Variants in ADAMTS12 observed in about 807,000 individuals in gnomAD.
ADAMTS12 encodes A disintegrin and metalloproteinase with thrombospondin motifs 12.
A neutral mutation model predicts 167.8 loss-of-function variants in ADAMTS12; 118 were observed. The ratio of observed to expected loss-of-function variants is 0.70; its 90% CI spans 0.61 to 0.82. The LOEUF (loss-of-function observed/expected upper bound fraction) is 0.82, where lower values mean the gene tolerates loss of function less well. Among genes scored for constraint, ADAMTS12 ranks in the 40% least tolerant of loss-of-function variants. The pLI, the probability that ADAMTS12 is intolerant of heterozygous loss-of-function variation, is 0.00. For missense variants in ADAMTS12, 1,916 were observed against 1,998.8 expected (o/e 0.96, Z 0.79); for synonymous variants, 704 against 716.9 (o/e 0.98, Z 0.29).
At chr5:33,851,560 C>T (rs1486984037) in intron 2 of ADAMTS12, among the ~76,000 whole-genome samples, 1 of 152,064 alleles carries the variant, frequency 6.6e-6, no homozygotes, top group Non-Finnish European at 1.5e-5. Context: ...AAGCACTCAC[C>T]GATACATCTC....
chr5:33,736,354 C>T (rs1579889340), intron 3 of ADAMTS12, among the ~76,000 whole-genome samples: 1 of 152,178 alleles, frequency 6.6e-6, no homozygotes, highest in African/African-American at 2.4e-5. Context: ...TGAGCCACCA[C>T]GCCCAGCCTG....
chr5:33,757,741 A>T (rs1474361601), intron 2 of ADAMTS12, among the ~76,000 whole-genome samples: 1 of 152,212 alleles, frequency 6.6e-6, no homozygotes, highest in Non-Finnish European at 1.5e-5. Flanking sequence ...TCTTGGTCCC[A>T]TTGCTTAACA....
chr5:33,663,599 T>G (rs1019238399), intron 5 of ADAMTS12, among the ~76,000 whole-genome samples: 2 of 152,176 alleles, frequency 1.3e-5, no homozygotes, highest in Admixed American at 1.3e-4. Flanking sequence ...TAAGGGAAAT[T>G]AAACCTCAGG....
intron 3 of ADAMTS12, among the ~76,000 whole-genome samples, chr5:33,710,692 G>A: frequency 6.6e-6 from 1 of 152,162 alleles, no homozygotes; most frequent in East Asian, 1.9e-4. Flanking sequence ...GACACGAACA[G>A]ACTGCTTAAA....
At chr5:33,736,760 A>T (rs974788247) in intron 3 of ADAMTS12, among the ~76,000 whole-genome samples, 1 of 152,164 alleles carries the variant, frequency 6.6e-6, no homozygotes, top group African/African-American at 2.4e-5. Context: ...AGGGAGCATG[A>T]CTCAGAACCG....
At chr5:33,572,192 C>A (rs1293256797) in intron 19 of ADAMTS12, among the ~76,000 whole-genome samples, 1 of 152,090 alleles carries the variant, frequency 6.6e-6, no homozygotes, top group African/African-American at 2.4e-5. Flanking sequence ...GGTACCATTC[C>A]TTCTGAAACT....
At chr5:33,737,708 CACTA>C (rs1404126878) in intron 3 of ADAMTS12, among the ~76,000 whole-genome samples, 1 of 152,196 alleles carries the variant, frequency 6.6e-6, no homozygotes, top group African/African-American at 2.4e-5. Flanking sequence ...CAACTAGTCT[CACTA>C]ACTGAGATTT....
chr5:33,848,741 C>T (rs1178277799), intron 2 of ADAMTS12, among the ~76,000 whole-genome samples: 1 of 152,104 alleles, frequency 6.6e-6, no homozygotes, highest in African/African-American at 2.4e-5. Flanking sequence ...GAGTGTCTAT[C>T]ACCTAGGGTG....
In ADAMTS12 at chr5:33,833,748, A is replaced by G. The variant is rs569932462; in HGVS notation, c.489+47371T>C. Among the ~76,000 whole-genome samples, 199 of 152,360 alleles carry G rather than the reference A, an allele frequency of 1.3e-3. 1 individual carries two copies. Among genetic ancestry groups the G allele is most frequent in the African/African-American group, 4.5e-3 (189 of 41,592 alleles). Reference sequence around the variant, plus strand: ...GATGATGGCACAGCCATTCAATGAAATCTTCTGTAGCTAGAAAAATTAATT... The same window carrying G: ...GATGATGGCACAGCCATTCAATGAAGTCTTCTGTAGCTAGAAAAATTAATT... On this transcript the variant is annotated intron_variant, in intron 2 of 23. Coordinates refer to ENST00000504830, the MANE Select transcript of ADAMTS12 (RefSeq NM_030955.4).
At chr5:33,849,873 T>G (rs1025837176) in intron 2 of ADAMTS12, among the ~76,000 whole-genome samples, 1 of 151,648 alleles carries the variant, frequency 6.6e-6, no homozygotes, top group Non-Finnish European at 1.5e-5. Flanking sequence ...AATATATATA[T>G]GTATTGCATA....
intron 3 of ADAMTS12, among the ~76,000 whole-genome samples, chr5:33,738,583 C>T (rs1437452668): frequency 6.6e-6 from 1 of 152,244 alleles, no homozygotes; most frequent in Admixed American, 6.5e-5. Context: ...ATGTTCCCTA[C>T]TTGCAGATAC....
intron 12 of ADAMTS12, among the ~76,000 whole-genome samples, chr5:33,631,480 T>TG (rs1739930375): frequency 6.6e-6 from 1 of 151,952 alleles, no homozygotes; most frequent in Non-Finnish European, 1.5e-5. Flanking sequence ...AAACATTTTT[T>TG]TTGTTGAAGC....
intron 22 of ADAMTS12, among the ~76,000 whole-genome samples, chr5:33,541,200 A>AT (rs1411397376): frequency 6.6e-6 from 1 of 152,246 alleles, no homozygotes; most frequent in African/African-American, 2.4e-5. Context: ...ATAAGCTTCA[A>AT]TAGCAGATTC....
chr5:33,781,748 A>G (rs936399997), intron 2 of ADAMTS12, among the ~76,000 whole-genome samples: 2 of 151,932 alleles, frequency 1.3e-5, no homozygotes, highest in East Asian at 3.8e-4. Context: ...CACAATGTGC[A>G]GGTTAGTTAC....
At chr5:33,690,777 T>A (rs1742521693) in intron 3 of ADAMTS12, among the ~76,000 whole-genome samples, 1 of 152,174 alleles carries the variant, frequency 6.6e-6, no homozygotes, top group Non-Finnish European at 1.5e-5. Flanking sequence ...TTGTTAATTA[T>A]CTATTTAACA....
intron 18 of ADAMTS12, among the ~76,000 whole-genome samples, chr5:33,580,282 G>A (rs1250988248): frequency 4.6e-5 from 7 of 152,212 alleles, no homozygotes. Flanking sequence ...GAGGCCTCAG[G>A]AAACTTACAA....
At chr5:33,640,302 G>C (rs1280591562) in intron 11 of ADAMTS12, among the ~76,000 whole-genome samples, 1 of 152,192 alleles carries the variant, frequency 6.6e-6, no homozygotes, top group East Asian at 1.9e-4. Context: ...TTGGAGATGA[G>C]AATTAGAACT....
chr5:33,871,351 A>G (rs1485767975), intron 2 of ADAMTS12, among the ~76,000 whole-genome samples: 4 of 152,222 alleles, frequency 2.6e-5, no homozygotes, highest in Non-Finnish European at 4.4e-5. Flanking sequence ...TTCATTTTAT[A>G]AAGCTAATAT....
intron 22 of ADAMTS12, among the ~76,000 whole-genome samples, chr5:33,536,537 G>A (rs1243370506): frequency 6.6e-6 from 1 of 152,122 alleles, no homozygotes; most frequent in African/African-American, 2.4e-5. Context: ...GTGGAGTTTT[G>A]AGAACAAGGG....
Sources: allele counts gnomAD v4.1 joint callset (sites outside exome capture counted in the v4.1 genomes callset), GRCh38; gene constraint gnomAD v4.1.1; transcripts MANE v1.5; gene names NCBI Gene and HGNC (gene_info 2026-07-23, HGNC 2026-07-21).